VWC2: variants seen among roughly 807,000 people sequenced by gnomAD.
The protein encoded by VWC2 is von Willebrand factor C domain containing 2, also known as brorin.
VWC2 carries 14 observed loss-of-function variants against 29.8 expected under a neutral mutation model. The observed-to-expected ratio is 0.47, with a 90% CI of 0.31 to 0.74. The LOEUF (loss-of-function observed/expected upper bound fraction) is 0.74. VWC2 is among the 30% of genes least tolerant of loss of function. The probability of loss-of-function intolerance (pLI) is 0.05; values close to 1 mark genes in which losing one functional copy is unlikely to be tolerated. For missense variants in VWC2, 457 were observed against 459.8 expected, an observed-to-expected ratio of 0.99 and a Z score of 0.05; for synonymous variants, 213 against 199.0, an observed-to-expected ratio of 1.07 and a Z score of -0.59.
In VWC2 at chr7:49,877,497, T is replaced by C. The variant is rs867754878; in HGVS notation, c.827-34537T>C. ...AAAAAAAAAAATATATATATATATA[T>C]ATATATATATATATATATATAGTTA... On this transcript the variant is annotated intron_variant, in intron 3 of 3. Transcript: ENST00000340652. Among the ~76,000 whole-genome samples, 145 of 82,558 alleles carry C rather than the reference T, an allele frequency of 1.8e-3. 22 individuals are homozygous for C. In the East Asian group the frequency reaches 0.02, roughly 11 times the overall value. The allele number at this position is 82,558 out of a possible 152,430, so 54.2% of individuals were successfully genotyped here. A position where few individuals can be genotyped will look rare whatever the true frequency, so the allele number is the denominator to read the frequency against.
At chr7:49,810,001 G>A (rs1441691332) in intron 3 of VWC2, among the ~76,000 whole-genome samples, 1 of 151,866 alleles carries the variant, frequency 6.6e-6, no homozygotes, top group Non-Finnish European at 1.5e-5. Context: ...ATGTAGTGGA[G>A]GTCTTATATA....
intron 3 of VWC2, among the ~76,000 whole-genome samples, chr7:49,892,027 G>A (rs1431120347): frequency 1.5e-5 from 2 of 131,568 alleles, no homozygotes; most frequent in East Asian, 4.9e-4. Context: ...AACAGACAAA[G>A]TAGATTTTTT....
intron 3 of VWC2, among the ~76,000 whole-genome samples, chr7:49,845,519 T>A (rs1431134814): frequency 1.3e-5 from 2 of 152,158 alleles, no homozygotes; most frequent in Admixed American, 6.5e-5. Context: ...AAGGAATATA[T>A]CTGAGAGAGA....
intron 3 of VWC2, among the ~76,000 whole-genome samples, chr7:49,843,566 T>C (rs1789849323): frequency 6.6e-6 from 1 of 152,190 alleles, no homozygotes; most frequent in Non-Finnish European, 1.5e-5. Context: ...AAAAAACTAA[T>C]CATTCAATGA....
intron 3 of VWC2, among the ~76,000 whole-genome samples, chr7:49,865,511 T>C (rs1364364853): frequency 6.6e-6 from 1 of 152,224 alleles, no homozygotes; most frequent in Non-Finnish European, 1.5e-5. Flanking sequence ...TGGTGTGGTC[T>C]CTGGCAATGT....
chr7:49,872,352 G>A (rs918077422), intron 3 of VWC2, among the ~76,000 whole-genome samples: 5 of 152,066 alleles, frequency 3.3e-5, no homozygotes, highest in South Asian at 2.1e-4. Context: ...TAGATGTGCC[G>A]GGAACAATGA....
chr7:49,797,172 G>A (rs1788611197), intron 2 of VWC2, among the ~76,000 whole-genome samples: 1 of 152,258 alleles, frequency 6.6e-6, no homozygotes, highest in Non-Finnish European at 1.5e-5. Flanking sequence ...TATGCATGTA[G>A]TTATGACTAG....
chr7:49,824,115 T>C (rs1283168240), intron 3 of VWC2, among the ~76,000 whole-genome samples: 2 of 152,132 alleles, frequency 1.3e-5, no homozygotes, highest in Non-Finnish European at 2.9e-5. Context: ...TTTGATAAAG[T>C]TCAGTTTCTC....
intron 3 of VWC2, among the ~76,000 whole-genome samples, chr7:49,824,686 T>C (rs1789351455): frequency 1.3e-5 from 2 of 152,152 alleles, no homozygotes; most frequent in African/African-American, 4.8e-5. Context: ...TCTACAAACA[T>C]GGCATATCTC....
chr7:49,807,480 G>A (rs554855695), intron 3 of VWC2, among the ~76,000 whole-genome samples: 2 of 152,326 alleles, frequency 1.3e-5, no homozygotes, highest in South Asian at 2.1e-4. Context: ...GCCTGTGCAT[G>A]TAAGACCACC....
chr7:49,896,064 G>A (rs577394700), intron 3 of VWC2, among the ~76,000 whole-genome samples: 8 of 152,274 alleles, frequency 5.3e-5, no homozygotes, highest in East Asian at 3.9e-4. Flanking sequence ...GTACAGGTCC[G>A]GTGTGGTGGC....
At chr7:49,874,023 G>A (rs1791291467) in intron 3 of VWC2, among the ~76,000 whole-genome samples, 2 of 151,008 alleles carry the variant, frequency 1.3e-5, no homozygotes, top group Admixed American at 1.3e-4. Context: ...TGTGTGTTTA[G>A]CATATGCACA....
intron 3 of VWC2, among the ~76,000 whole-genome samples, chr7:49,833,879 A>G (rs1180444868): frequency 6.6e-6 from 1 of 152,156 alleles, no homozygotes; most frequent in African/African-American, 2.4e-5. Context: ...GAATTTAGTT[A>G]TATATTGTTT....
intron 3 of VWC2, among the ~76,000 whole-genome samples, chr7:49,845,926 T>G (rs1307560568): frequency 6.6e-6 from 1 of 152,232 alleles, no homozygotes; most frequent in Non-Finnish European, 1.5e-5. Context: ...TGGAGAGTTT[T>G]CACTAATGAG....
At position 49,875,613 on chromosome 7, in the gene VWC2, C is replaced by T. The variant is rs370293856; in HGVS notation, c.827-36421C>T. Among the ~76,000 whole-genome samples, 230 of 151,928 alleles carry T rather than the reference C, an allele frequency of 1.5e-3. 3 individuals are homozygous for T. Among genetic ancestry groups the T allele is most frequent in the African/African-American group, 5.3e-3 (219 of 41,446 alleles). ...TGTGCTTTGCTAGGTGGAAACCCAC[C>T]GCCTTCCAGTATCAGCTCTGTGGCC... On this transcript the variant is annotated intron_variant, in intron 3 of 3. Coordinates refer to ENST00000340652, the MANE Select transcript of VWC2 (RefSeq NM_198570.5).
intron 2 of VWC2, among the ~76,000 whole-genome samples, chr7:49,787,035 A>T (rs960731898): frequency 3.9e-5 from 6 of 152,186 alleles, no homozygotes; most frequent in African/African-American, 1.4e-4. Flanking sequence ...CAAATCATCA[A>T]GTAGGTGAAC....
chr7:49,775,924 C>T lies in VWC2; in HGVS notation c.489C>T (p.Tyr163=), dbSNP rs1203283068. The change falls in exon 2 of 4, where the codon TAC becomes TAT. Residue 163 remains tyrosine, a synonymous_variant. Coordinates refer to ENST00000340652, the MANE Select transcript of VWC2 (RefSeq NM_198570.5). The part of the protein sequence containing the change: ...KGCVDESGFV[Y]AIGEKFAPGP... ...GCGTGGACGAGAGCGGCTTCGTGTA[C>T]GCGATCGGGGAGAAGTTCGCGCCGG... The T allele has an allele frequency of 6.4e-7, 1 of 1,557,434 alleles. No homozygotes were observed. The highest frequency in any genetic ancestry group is 8.7e-7 in the Non-Finnish European group (1 of 1,152,348).
At chr7:49,849,800 C>T (rs78226088) in intron 3 of VWC2, among the ~76,000 whole-genome samples, 375 of 152,064 alleles carry the variant, frequency 2.5e-3, no homozygotes, top group African/African-American at 8.5e-3. Context: ...CCTGCTCTAA[C>T]CAAGTCTTGG....
At chr7:49,859,473 G>A (rs1291006229) in intron 3 of VWC2, among the ~76,000 whole-genome samples, 2 of 152,244 alleles carry the variant, frequency 1.3e-5, no homozygotes, top group East Asian at 3.9e-4. Context: ...GTTGTGAGGT[G>A]GGAAATCTGA....
Sources: allele counts gnomAD v4.1 joint callset (sites outside exome capture counted in the v4.1 genomes callset), GRCh38; gene constraint gnomAD v4.1.1; transcripts MANE v1.5; gene names NCBI Gene and HGNC (gene_info 2026-07-23, HGNC 2026-07-21).